The following SESTD1 variants were observed in gnomAD, a reference collection of about 807,000 sequenced individuals.
SESTD1 encodes SEC14 domain and spectrin repeat-containing protein 1.
In SESTD1, 43 loss-of-function variants were observed where a neutral mutation model predicts 101.7. That is an observed-to-expected ratio of 0.42 (90% CI 0.33 to 0.55). The LOEUF is 0.55. Ranked by LOEUF, SESTD1 falls within the 20% of genes least tolerant of loss-of-function variation. SESTD1 has a pLI of 0.07. For synonymous variants in SESTD1, 283 were observed against 286.8 expected, an observed-to-expected ratio of 0.99 and a Z score of 0.13; for missense variants, 647 against 815.1, an observed-to-expected ratio of 0.79 and a Z score of 2.51.
intron 7 of SESTD1, among the ~76,000 whole-genome samples, chr2:179,146,913 G>C (rs1281311946): frequency 9.1e-6 from 1 of 109,430 alleles, no homozygotes; most frequent in African/African-American, 5.9e-5. Flanking sequence ...GGGTGTGTGT[G>C]TGTGTGTGTG....
At position 179,107,132 on chromosome 2, in the gene SESTD1, CT is replaced by C. The variant is rs1232719605; in HGVS notation, c.*2766del. On this transcript the variant is annotated 3_prime_UTR_variant, in exon 18 of 18. Transcript: ENST00000428443. The stretch of plus-strand genomic sequence containing the variant: ...ATGTTAATTTATGACATAGAAACAG[CT>C]TGTGGTTTCAAACACACTGCAGTCA... The C allele has an allele frequency of 1.3e-5, 2 of 152,094 alleles. No individual in the cohort carries two copies. The highest frequency in any genetic ancestry group is 4.8e-5 in the African/African-American group (2 of 41,418). 9.4% of individuals were successfully genotyped at this position (152,094 alleles called of 1,614,324 possible). A position where few individuals can be genotyped will look rare whatever the true frequency, so the allele number is the denominator to read the frequency against.
chr2:179,121,652 T>C, intron 13 of SESTD1, 118 bp downstream of exon 13: 2 of 746,478 alleles, frequency 2.7e-6, no homozygotes, highest in Non-Finnish European at 3.8e-6. Flanking sequence ...AAAAACCTAC[T>C]ACATGTCTTC....
At chr2:179,179,005 ACT>A (rs1289725790) in intron 3 of SESTD1, among the ~76,000 whole-genome samples, 2 of 152,154 alleles carry the variant, frequency 1.3e-5, no homozygotes, top group Admixed American at 6.5e-5. Flanking sequence ...AACACGCTTA[ACT>A]CTGTCACATT....
chr2:179,261,940 T>A (rs1031934139), intron 1 of SESTD1, among the ~76,000 whole-genome samples: 1 of 152,162 alleles, frequency 6.6e-6, no homozygotes, highest in Non-Finnish European at 1.5e-5. Flanking sequence ...CAACATTATT[T>A]ATTATGGCCA....
At chr2:179,204,685 T>A (rs1414966433) in intron 1 of SESTD1, among the ~76,000 whole-genome samples, 1 of 135,554 alleles carries the variant, frequency 7.4e-6, no homozygotes, top group East Asian at 2.0e-4. Context: ...CATACAGACA[T>A]GCCACTGCCT....
In SESTD1 at chr2:179,102,208, G is replaced by A. The variant is rs2044287638; in HGVS notation, c.*7691C>T. On this transcript the variant is annotated 3_prime_UTR_variant, in exon 18 of 18. Coordinates refer to ENST00000428443, the MANE Select transcript of SESTD1 (RefSeq NM_178123.5). ...AACTTCTGTGCCAAGCCTGTGGGAA[G>A]GGATTGTTGGGGTCACGGGAGAGGG... 1 of 152,110 alleles carries A rather than the reference G, an allele frequency of 6.6e-6. No individual in the cohort carries two copies. The highest frequency in any genetic ancestry group is 2.4e-5 in the African/African-American group (1 of 41,424). The allele number at this position is 152,110 out of a possible 1,614,324, so 9.4% of individuals were successfully genotyped here.
chr2:179,250,128 T>C (rs1244773618), intron 1 of SESTD1, among the ~76,000 whole-genome samples: 1 of 151,556 alleles, frequency 6.6e-6, no homozygotes, highest in Non-Finnish European at 1.5e-5. Flanking sequence ...ACATATTCAA[T>C]AAAGAACTAG....
At chr2:179,114,704 A>G (rs2044589045) in intron 16 of SESTD1, among the ~76,000 whole-genome samples, 1 of 152,204 alleles carries the variant, frequency 6.6e-6, no homozygotes, top group Non-Finnish European at 1.5e-5. Context: ...AATTAATAGC[A>G]GTTGCCAAAG....
intron 16 of SESTD1, 93 bp downstream of exon 16, chr2:179,114,972 G>T (rs1426042002): frequency 1.9e-6 from 2 of 1,028,384 alleles, no homozygotes; most frequent in African/African-American, 1.6e-5. Flanking sequence ...TTGAAAAATA[G>T]ATTAGTCATA....
At chr2:179,122,681 G>T (rs1388901074) in intron 12 of SESTD1, among the ~76,000 whole-genome samples, 2 of 152,208 alleles carry the variant, frequency 1.3e-5, no homozygotes, top group Admixed American at 1.3e-4. Flanking sequence ...CCAGAGGTCA[G>T]GAGCTCGAGA....
intron 1 of SESTD1, among the ~76,000 whole-genome samples, chr2:179,233,736 G>A (rs1427547331): frequency 6.6e-6 from 1 of 152,250 alleles, no homozygotes; most frequent in Non-Finnish European, 1.5e-5. Flanking sequence ...TCACAGGCAT[G>A]AGCCACCACA....
At chr2:179,132,206 A>T in intron 10 of SESTD1, 98 bp downstream of exon 10, 1 of 1,385,704 alleles carries the variant, frequency 7.2e-7, no homozygotes, top group Non-Finnish European at 9.4e-7. Context: ...CATGCCCCAT[A>T]CCAAAGTTTG....
intron 4 of SESTD1, among the ~76,000 whole-genome samples, chr2:179,172,596 C>A (rs1022290650): frequency 6.6e-6 from 1 of 152,066 alleles, no homozygotes; most frequent in Non-Finnish European, 1.5e-5. Context: ...TTTTCTAACA[C>A]AATCATCTTG....
rs927550197 is a variant in SESTD1 at position 179,104,665 on chromosome 2, T to C, written c.*5234A>G. ...ATAGCCCTTTTGTCAGAAAGTTTTC[T>C]ACATGCCTAACTTAAAATCCCTAAT... On this transcript the variant is annotated 3_prime_UTR_variant, in exon 18 of 18. Transcript: ENST00000428443. 9.2e-5 allele frequency: 14 copies of C among 152,140 alleles called. No individual in the cohort carries two copies. The highest frequency in any genetic ancestry group is 3.4e-4 in the African/African-American group (14 of 41,438). 9.4% of individuals were successfully genotyped at this position (152,140 alleles called of 1,614,324 possible).
rs529569934 is a variant in SESTD1, at chr2:179,201,918, T to TATTATA, written c.-25-10053_-25-10052insTATAAT. Among the ~76,000 whole-genome samples the TATTATA allele has an allele frequency of 1.5e-4, 15 of 103,280 alleles. 3 individuals carry two copies. Among genetic ancestry groups the TATTATA allele is most frequent in the African/African-American group, 6.5e-4 (15 of 23,154 alleles). The allele number at this position is 103,280 out of a possible 152,430, so 67.8% of individuals were successfully genotyped here. The stretch of plus-strand genomic sequence containing the variant: ...TGCACATGTACCCTAAAACTTAAAG[T>TATTATA]ATAATAATAATAATAATAATAATAA... On this transcript the variant is annotated intron_variant, in intron 1 of 17. Coordinates refer to ENST00000428443, the MANE Select transcript of SESTD1 (RefSeq NM_178123.5).
intron 5 of SESTD1, 98 bp from the exon 6 acceptor site, chr2:179,151,489 G>C: frequency 1.5e-6 from 1 of 661,358 alleles, no homozygotes; most frequent in Non-Finnish European, 2.4e-6. Flanking sequence ...ATGCAATATT[G>C]TTTCCAACAT....
chr2:179,108,512 A>C lies in SESTD1; in HGVS notation c.*1387T>G, dbSNP rs1446976331. 2.0e-5 allele frequency: 3 copies of C among 152,090 alleles called. No homozygotes were observed. The highest frequency in any genetic ancestry group is 4.4e-5 in the Non-Finnish European group (3 of 68,020). The allele number at this position is 152,090 out of a possible 1,614,324, so 9.4% of individuals were successfully genotyped here. A position where few individuals can be genotyped will look rare whatever the true frequency, so the allele number is the denominator to read the frequency against. On this transcript the variant is annotated 3_prime_UTR_variant, in exon 18 of 18. Coordinates refer to ENST00000428443, the MANE Select transcript of SESTD1 (RefSeq NM_178123.5). The stretch of plus-strand genomic sequence containing the variant: ...AGGTGCTGAGTAGTGAGTGATGAGG[A>C]TGTAGGGGCACTGGATGTGGATTTC...
chr2:179,137,459 T>C (rs140527779), intron 9 of SESTD1, among the ~76,000 whole-genome samples: 3 of 152,198 alleles, frequency 2.0e-5, no homozygotes, highest in African/African-American at 7.2e-5. Context: ...CTATTTGGCA[T>C]CTATGATTCC....
chr2:179,144,548 T>C (rs985809971), intron 8 of SESTD1, among the ~76,000 whole-genome samples: 2 of 151,094 alleles, frequency 1.3e-5, no homozygotes, highest in African/African-American at 4.8e-5. Flanking sequence ...GCTGTAGATA[T>C]TAAATAATTT....
Sources: gnomAD v4.1 joint callset for allele counts (sites outside exome capture counted in the v4.1 genomes callset) on GRCh38, gnomAD v4.1.1 for gene constraint, MANE v1.5 for transcripts, NCBI Gene and HGNC (gene_info 2026-07-23, HGNC 2026-07-21) for gene names.